MYO3A: variants seen among roughly 807,000 people sequenced by gnomAD.
The protein encoded by MYO3A is myosin IIIA.
Under a neutral mutation model 192.7 loss-of-function variants are expected in MYO3A, and 180 were observed. That is an observed-to-expected ratio of 0.93 (90% CI 0.83 to 1.06). The LOEUF (loss-of-function observed/expected upper bound fraction) is 1.06, where lower values mean the gene tolerates loss of function less well. Ranked by LOEUF, MYO3A falls within the 50% of genes least tolerant of loss-of-function variation. The pLI is 0.00. For synonymous variants in MYO3A, 628 were observed against 645.3 expected, an observed-to-expected ratio of 0.97 and a Z score of 0.41; for missense variants, 1,896 against 1,905.0, an observed-to-expected ratio of 1.00 and a Z score of 0.09.
intron 10 of MYO3A, among the ~76,000 whole-genome samples, chr10:26,039,207 A>ATTTTTTTTTTTTTTTTTTTT (rs34416918): frequency 9.4e-5 from 10 of 106,854 alleles, no homozygotes; most frequent in Non-Finnish European, 1.4e-4. Flanking sequence ...GGCTCGGCTA[A>ATTTTTTTTTTTTTTTTTTTT]TTTTTTTTTT....
chr10:26,098,543 A>G (rs1000723678), intron 17 of MYO3A, among the ~76,000 whole-genome samples: 5 of 152,170 alleles, frequency 3.3e-5, no homozygotes, highest in Non-Finnish European at 7.3e-5. Context: ...TTATGGGTTT[A>G]GGTCTAATAT....
intron 15 of MYO3A, among the ~76,000 whole-genome samples, chr10:26,090,758 C>A (rs1012351623): frequency 7.9e-5 from 12 of 152,176 alleles, no homozygotes; most frequent in Admixed American, 7.9e-4. Flanking sequence ...ACAGAAAGAA[C>A]AAGCTCAAGG....
chr10:26,162,152 G>A (rs997748747), intron 26 of MYO3A, among the ~76,000 whole-genome samples: 1 of 152,166 alleles, frequency 6.6e-6, no homozygotes, highest in Non-Finnish European at 1.5e-5. Flanking sequence ...ACCTAGAAGG[G>A]TTCCTGGCAA....
At chr10:25,995,982 C>T (rs1467457162) in intron 4 of MYO3A, among the ~76,000 whole-genome samples, 1 of 152,242 alleles carries the variant, frequency 6.6e-6, no homozygotes, top group Non-Finnish European at 1.5e-5. Flanking sequence ...TCTGTCCGTT[C>T]TCAGATCTTA....
chr10:26,040,193 C>T (rs1006107177), intron 10 of MYO3A, among the ~76,000 whole-genome samples: 2 of 151,244 alleles, frequency 1.3e-5, no homozygotes, highest in African/African-American at 4.9e-5. Flanking sequence ...TTAAGTACAG[C>T]TTGCTGCTAT....
rs1413032817 is a variant in MYO3A at position 26,212,195 on chromosome 10, C to G, written c.*232C>G. 2 of 573,210 alleles carry G rather than the reference C, an allele frequency of 3.5e-6. No homozygotes were observed. The highest frequency in any genetic ancestry group is 2.9e-5 in the South Asian group (1 of 34,090). The allele number at this position is 573,210 out of a possible 1,614,324, so 35.5% of individuals were successfully genotyped here. On this transcript the variant is annotated 3_prime_UTR_variant, in exon 35 of 35. Transcript: ENST00000642920. The stretch of plus-strand genomic sequence containing the variant: ...CCCCCGACGCTCTCTCTCGGAACTC[C>G]CGCACCCTCCTTTCTCACCAGCCCG...
At chr10:26,011,431 T>A (rs1481167793) in intron 6 of MYO3A, among the ~76,000 whole-genome samples, 1 of 150,518 alleles carries the variant, frequency 6.6e-6, no homozygotes, top group Non-Finnish European at 1.5e-5. Context: ...TGAGACCATG[T>A]CTAAAAAAGT....
intron 6 of MYO3A, among the ~76,000 whole-genome samples, chr10:26,012,764 A>G (rs1349214466): frequency 6.6e-6 from 1 of 152,180 alleles, no homozygotes; most frequent in Non-Finnish European, 1.5e-5. Flanking sequence ...ATGGAACCCA[A>G]AAGAGCCCAA....
At chr10:25,988,088 A>AT (rs1465215395) in intron 4 of MYO3A, among the ~76,000 whole-genome samples, 5 of 152,234 alleles carry the variant, frequency 3.3e-5, no homozygotes, top group Admixed American at 1.3e-4. Context: ...ATTCTACATT[A>AT]TTCTAAGTGA....
At chr10:26,136,125 CAG>C (rs1839834963) in intron 20 of MYO3A, among the ~76,000 whole-genome samples, 1 of 152,124 alleles carries the variant, frequency 6.6e-6, no homozygotes, top group Non-Finnish European at 1.5e-5. Context: ...TGTACAAAGA[CAG>C]CATCACAAAC....
intron 3 of MYO3A, among the ~76,000 whole-genome samples, chr10:25,954,228 T>A (rs1564400806): frequency 6.6e-6 from 1 of 152,114 alleles, no homozygotes; most frequent in Admixed American, 6.6e-5. Flanking sequence ...TTAATAAGGC[T>A]TTCTCTTATT....
chr10:26,074,608 AT>A (rs1378270500), intron 14 of MYO3A, among the ~76,000 whole-genome samples: 3 of 147,634 alleles, frequency 2.0e-5, no homozygotes, highest in African/African-American at 7.4e-5. Flanking sequence ...TATATATTAT[AT>A]TTAATTATAT....
At chr10:26,110,349 T>C (rs970756626) in intron 17 of MYO3A, among the ~76,000 whole-genome samples, 1 of 152,210 alleles carries the variant, frequency 6.6e-6, no homozygotes, top group Admixed American at 6.5e-5. Context: ...TTTTAGGCTA[T>C]AAAATGGAAC....
chr10:26,154,918 T>A (rs1326606212), intron 25 of MYO3A, 95 bp downstream of exon 25: 12 of 1,016,254 alleles, frequency 1.2e-5, no homozygotes, highest in Non-Finnish European at 1.7e-5. Flanking sequence ...AAAGAGAATG[T>A]TTATTGTATT....
chr10:26,173,962 A>T lies in MYO3A; in HGVS notation c.3698A>T (p.Glu1233Val). ...ENSNLRKVEK[E>V]EAMIQSYYQR... ...AGCAATCTAAGGAAAGTGGAGAAAG[A>T]GGAAGCTATGATCCAGAGTTACTAT... The change falls in exon 30 of 35, where the codon GAG (glutamate) becomes GTG (valine). Residue 1233 changes from glutamate (E) to valine (V), a missense_variant. Transcript: ENST00000642920. 1.2e-6 allele frequency: 2 copies of T among 1,608,070 alleles called. No individual in the cohort carries two copies. Among genetic ancestry groups the T allele is most frequent in the Non-Finnish European group, 1.7e-6 (2 of 1,178,218 alleles).
At chr10:26,019,291 C>A (rs1415984992) in intron 7 of MYO3A, among the ~76,000 whole-genome samples, 1 of 151,582 alleles carries the variant, frequency 6.6e-6, no homozygotes, top group African/African-American at 2.4e-5. Context: ...CGGAGTCTCG[C>A]TCTGTCCCCC....
intron 26 of MYO3A, among the ~76,000 whole-genome samples, chr10:26,165,636 C>T (rs1049794479): frequency 6.6e-6 from 1 of 152,076 alleles, no homozygotes; most frequent in East Asian, 1.9e-4. Context: ...TGGAATTAAG[C>T]TCCATCACCC....
At position 26,176,767 on chromosome 10, in the gene MYO3A, C is replaced by T. The variant is rs369510142; in HGVS notation, c.4360C>T (p.Gln1454Ter). Residue 1454 changes from glutamine (Q) to a stop codon, truncating the protein, a stop_gained, in exon 31 of 35, where the codon CAA becomes TAA. Transcript: ENST00000642920. LOFTEE classifies it high-confidence loss of function. ...ATTGAATGAAATGATTTTGTCACAG[C>T]AACTGAAGTCACTTTATCTGGGTGT... ...KKLNEMILSQ[Q>*]LKSLYLGVSH... 14 of 1,612,804 alleles carry T rather than the reference C, an allele frequency of 8.7e-6. No individual in the cohort carries two copies. In the African/African-American group the frequency reaches 1.1e-4, roughly 12 times the overall value.
At chr10:25,943,566 A>G (rs982467831) in intron 2 of MYO3A, among the ~76,000 whole-genome samples, 1 of 152,088 alleles carries the variant, frequency 6.6e-6, no homozygotes, top group African/African-American at 2.4e-5. Flanking sequence ...CAATGTTTGT[A>G]CTTTTCAATA....
Sources: gnomAD v4.1 joint callset for allele counts (sites outside exome capture counted in the v4.1 genomes callset) on GRCh38, gnomAD v4.1.1 for gene constraint, MANE v1.5 for transcripts, NCBI Gene and HGNC (gene_info 2026-07-23, HGNC 2026-07-21) for gene names.